ORC1: variants seen among roughly 807,000 people sequenced by gnomAD.
The protein encoded by ORC1 is origin recognition complex, subunit 1 homolog.
A neutral mutation model predicts 98.9 loss-of-function variants in ORC1; 61 were observed. The observed-to-expected ratio is 0.62, with a 90% CI of 0.50 to 0.76. The LOEUF is 0.76. Ranked by LOEUF, ORC1 falls within the 30% of genes least tolerant of loss-of-function variation. The probability of loss-of-function intolerance (pLI) is 0.00; values close to 1 mark genes in which losing one functional copy is unlikely to be tolerated. For synonymous variants in ORC1, 385 were observed against 406.9 expected, an observed-to-expected ratio of 0.95 and a Z score of 0.65; for missense variants, 979 against 1,072.2, an observed-to-expected ratio of 0.91 and a Z score of 1.21.
chr1:52,399,137 A>C (rs1647571356), intron 3 of ORC1, among the ~76,000 whole-genome samples: 1 of 152,176 alleles, frequency 6.6e-6, no homozygotes, highest in Non-Finnish European at 1.5e-5. Context: ...CGAACAAATA[A>C]AAATCAGTGA....
upstream of ORC1, among the ~76,000 whole-genome samples, chr1:52,406,925 G>A (rs1648012504): frequency 6.6e-6 from 1 of 152,172 alleles, no homozygotes; most frequent in African/African-American, 2.4e-5. Flanking sequence ...ACAGTATTCT[G>A]CTTCTCGTAC....
chr1:52,405,771 C>T, upstream of ORC1: 1 of 1,614,048 alleles, frequency 6.2e-7, no homozygotes, highest in Non-Finnish European at 8.5e-7. Flanking sequence ...TGTGTTTAAC[C>T]TTGAAGATGC....
intron 14 of ORC1, among the ~76,000 whole-genome samples, chr1:52,376,150 T>A (rs1370416377): frequency 6.6e-6 from 1 of 152,136 alleles, no homozygotes. Context: ...GGCAGGCGGA[T>A]CACCTGAGGT....
At chr1:52,396,901 C>T (rs1647427630) in intron 4 of ORC1, among the ~76,000 whole-genome samples, 1 of 152,182 alleles carries the variant, frequency 6.6e-6, no homozygotes, top group Admixed American at 6.5e-5. Flanking sequence ...GATCTGGCCT[C>T]ATTTTACCTA....
chr1:52,383,970 G>GT, intron 11 of ORC1, 33 bp from the exon 12 acceptor site: 2 of 1,565,372 alleles, frequency 1.3e-6, no homozygotes, highest in Non-Finnish European at 1.8e-6. Flanking sequence ...GTGAGGAACT[G>GT]TAAGGGTCTT....
In ORC1 at chr1:52,383,891, A is replaced by C. The variant is rs560232513; in HGVS notation, c.1802T>G (p.Leu601Arg). The C allele has an allele frequency of 6.2e-7, 1 of 1,614,186 alleles. No individual in the cohort carries two copies. The highest frequency in any genetic ancestry group is 1.3e-5 in the African/African-American group (1 of 75,050). Reference protein sequence around the residue: ...KATANHAAELLAKQFCTRGSP... With the variant: ...KATANHAAELRAKQFCTRGSP... ...CCCTCGGGTGCAGAATTGCTTTGCC[A>C]GCAGTTCTGCCGCATGGTTGGCTGT... Residue 601 changes from leucine to arginine, a missense_variant, in exon 12 of 17, where the codon CTG (leucine) becomes CGG (arginine). Coordinates refer to ENST00000371568, the MANE Select transcript of ORC1 (RefSeq NM_004153.4).
Position 52,402,206 on chromosome 1 carries a change from TGTGG to T in ORC1, c.14_17del (p.Pro5GlnfsTer3). 6.2e-7 allele frequency: 1 copy of T among 1,614,162 alleles called. No individual in the cohort carries two copies. Among genetic ancestry groups the T allele is most frequent in the Non-Finnish European group, 8.5e-7 (1 of 1,179,998 alleles). ...AATAAGTTTTTCTGGTCTTCAGCCT[TGTGG>T]GGTAGTGTGCCATGGCTTCTGTGGA... On this transcript the variant is annotated frameshift_variant, in exon 2 of 17. Transcript: ENST00000371568. LOFTEE classifies it high-confidence loss of function.
chr1:52,392,589 A>T lies in ORC1; in HGVS notation c.1082+854T>A, dbSNP rs200212680. 4.5e-4 allele frequency among the ~76,000 whole-genome samples: 68 copies of T among 152,198 alleles called. 1 individual carries two copies. In the East Asian group the frequency reaches 0.012, roughly 26 times the overall value. ...CCAAAGGAAAAGAAGTCATTATATT[A>T]AAAAAAAGACACATGCACACGCATG... is the stretch of plus-strand genomic sequence containing the variant. On this transcript the variant is annotated intron_variant, in intron 6 of 16. Coordinates refer to ENST00000371568, the MANE Select transcript of ORC1 (RefSeq NM_004153.4).
At chr1:52,379,304 T>C (rs1053119744) in intron 14 of ORC1, among the ~76,000 whole-genome samples, 55 of 146,816 alleles carry the variant, frequency 3.7e-4, no homozygotes, top group African/African-American at 1.2e-3. Context: ...AGTGCAGCGG[T>C]GCGATCTCGG....
At position 52,384,871 on chromosome 1, in the gene ORC1, G is replaced by C. The variant is rs907468973; in HGVS notation, c.1584-150C>G. ...CAGTAGGGACCATCCTTGGAAGCTG[G>C]TCAGAGTAGGACCTGCTTATATAGA... On this transcript the variant is annotated intron_variant, in intron 10 of 16. Coordinates refer to ENST00000371568, the MANE Select transcript of ORC1 (RefSeq NM_004153.4). 1.2e-5 allele frequency: 9 copies of C among 739,908 alleles called. No homozygotes were observed. In the Admixed American group the frequency reaches 1.6e-4, roughly 13 times the overall value. 45.8% of individuals were successfully genotyped at this position (739,908 alleles called of 1,614,324 possible).
chr1:52,383,978 C>T, intron 11 of ORC1, 41 bp from the exon 12 acceptor site: 1 of 1,531,756 alleles, frequency 6.5e-7, no homozygotes, highest in South Asian at 1.1e-5. Context: ...CTGTAAGGGT[C>T]TTACTCCCTT....
At chr1:52,377,721 A>C (rs1299120010) in intron 14 of ORC1, among the ~76,000 whole-genome samples, 3 of 151,706 alleles carry the variant, frequency 2.0e-5, no homozygotes, top group Non-Finnish European at 2.9e-5. Context: ...AAAAAAAAAA[A>C]AAACAAATTC....
At chr1:52,389,888 A>G (rs186527005) in intron 6 of ORC1, among the ~76,000 whole-genome samples, 1 of 152,364 alleles carries the variant, frequency 6.6e-6, no homozygotes, top group Admixed American at 6.5e-5. Flanking sequence ...CAGAGCAATC[A>G]GAAAAGAGAA....
rs1335073823 is a variant in ORC1 at position 52,393,633 on chromosome 1, C to T, written c.892G>A (p.Glu298Lys). The change falls in exon 6 of 17, where the codon GAG becomes AAG. Residue 298 changes from glutamate (E) to lysine (K), a missense_variant. Coordinates refer to ENST00000371568, the MANE Select transcript of ORC1 (RefSeq NM_004153.4). ...TCCTCAGTATAAGAGAGTCCAGTCTCTCTGGTTTTCTCTGGGGCTTTCAGA... is the reference window on the plus strand; with the variant it reads ...TCCTCAGTATAAGAGAGTCCAGTCTTTCTGGTTTTCTCTGGGGCTTTCAGA... ...PALKAPEKTR[E>K]TGLSYTEDDK... is the part of the protein sequence containing the mutation. 5.6e-6 allele frequency: 9 copies of T among 1,614,166 alleles called. No homozygotes were observed. Among genetic ancestry groups the T allele is most frequent in the South Asian group, 1.1e-5 (1 of 91,078 alleles).
At chr1:52,403,028 C>A (rs1053992038) in intron 1 of ORC1, among the ~76,000 whole-genome samples, 2 of 152,224 alleles carry the variant, frequency 1.3e-5, no homozygotes, top group African/African-American at 4.8e-5. Flanking sequence ...TTAACTACTT[C>A]ACCTTACAAC....
chr1:52,385,015 G>C (rs1647124347), intron 10 of ORC1, 146 bp downstream of exon 10: 3 of 746,120 alleles, frequency 4.0e-6, no homozygotes, highest in Non-Finnish European at 7.3e-6. Flanking sequence ...GGCAACAAAT[G>C]TTTCAGAAGC....
Position 52,385,958 on chromosome 1 carries a change from A to G in ORC1, c.1384-9T>C. The stretch of plus-strand genomic sequence containing the variant: ...GGCGTTCTAGGCTTGAGCTGTATTG[A>G]AAACAAAGAACATATTTCACAAGGA... On this transcript the variant is annotated splice_polypyrimidine_tract_variant and intron_variant, in intron 8 of 16. Coordinates refer to ENST00000371568, the MANE Select transcript of ORC1 (RefSeq NM_004153.4). 6.2e-7 allele frequency: 1 copy of G among 1,607,218 alleles called. No homozygotes were observed. Among genetic ancestry groups the G allele is most frequent in the Non-Finnish European group, 8.5e-7 (1 of 1,174,716 alleles).
At chr1:52,406,733 C>T (rs1240830984), upstream of ORC1, among the ~76,000 whole-genome samples, 2 of 152,180 alleles carry the variant, frequency 1.3e-5, no homozygotes, top group African/African-American at 4.8e-5. Flanking sequence ...ATAATAGCTT[C>T]TTATGTGCCA....
At chr1:52,399,555 C>T (rs1410887287) in intron 3 of ORC1, among the ~76,000 whole-genome samples, 1 of 141,700 alleles carries the variant, frequency 7.1e-6, no homozygotes, top group Non-Finnish European at 1.5e-5. Context: ...ACCCGGGAGG[C>T]AGAGCTTGCA....
Sources: allele counts gnomAD v4.1 joint callset (sites outside exome capture counted in the v4.1 genomes callset), GRCh38; gene constraint gnomAD v4.1.1; transcripts MANE v1.5; gene names NCBI Gene and HGNC (gene_info 2026-07-23, HGNC 2026-07-21).